The following MSH3 variants were observed in gnomAD, a reference collection of about 807,000 sequenced individuals.
The protein encoded by MSH3 is mutS homolog 3.
Under a neutral mutation model 123.3 loss-of-function variants are expected in MSH3, and 106 were observed. That is an observed-to-expected ratio of 0.86 (90% CI 0.73 to 1.01). The LOEUF is 1.01. Ranked by LOEUF, MSH3 falls within the 50% of genes least tolerant of loss-of-function variation. MSH3 has a pLI of 0.00. For missense variants in MSH3, 1,459 were observed against 1,347.6 expected, an observed-to-expected ratio of 1.08 and a Z score of -1.29; for synonymous variants, 515 against 481.4, an observed-to-expected ratio of 1.07 and a Z score of -0.91.
intron 20 of MSH3, among the ~76,000 whole-genome samples, chr5:80,833,303 A>T (rs1289375680): frequency 6.6e-6 from 1 of 152,154 alleles, no homozygotes; most frequent in Admixed American, 6.5e-5. Context: ...ACTACATTTG[A>T]CTGTAAATAC....
intron 20 of MSH3, among the ~76,000 whole-genome samples, chr5:80,844,604 T>G (rs1745686202): frequency 6.6e-6 from 1 of 152,220 alleles, no homozygotes; most frequent in Non-Finnish European, 1.5e-5. Context: ...GCATATATAT[T>G]TAGGATAGTT....
At chr5:80,841,700 T>C (rs1249781670) in intron 20 of MSH3, among the ~76,000 whole-genome samples, 6 of 152,192 alleles carry the variant, frequency 3.9e-5, no homozygotes, top group African/African-American at 1.4e-4. Flanking sequence ...GCATGAATGT[T>C]TTCTTTTGAG....
intron 20 of MSH3, among the ~76,000 whole-genome samples, chr5:80,833,871 G>A (rs1221957542): frequency 1.0e-4 from 4 of 38,610 alleles, no homozygotes; most frequent in Non-Finnish European, 2.0e-4. Flanking sequence ...GAAGAGAATG[G>A]TATCAAAGAC....
intron 20 of MSH3, among the ~76,000 whole-genome samples, chr5:80,850,720 T>C (rs938284987): frequency 1.4e-4 from 21 of 152,222 alleles, no homozygotes; most frequent in Non-Finnish European, 2.9e-5. Flanking sequence ...CAAGAAAAGA[T>C]GTGGCTGGGG....
chr5:80,724,831 A>G (rs72765580), intron 8 of MSH3, among the ~76,000 whole-genome samples: 6 of 152,322 alleles, frequency 3.9e-5, no homozygotes, highest in Non-Finnish European at 7.4e-5. Context: ...TAGTAACATA[A>G]TGGACCCTAA....
chr5:80,780,550 A>G (rs1416570637), intron 17 of MSH3, among the ~76,000 whole-genome samples: 1 of 152,164 alleles, frequency 6.6e-6, no homozygotes, highest in Non-Finnish European at 1.5e-5. Context: ...CAGTCTAAAT[A>G]CATCTGTTAG....
At chr5:80,816,325 G>C (rs776509735) in intron 20 of MSH3, among the ~76,000 whole-genome samples, 3 of 152,202 alleles carry the variant, frequency 2.0e-5, no homozygotes, top group African/African-American at 4.8e-5. Context: ...TCAGGGGAAG[G>C]CTTCCCTTAG....
Position 80,670,178 on chromosome 5 carries a change from G to C in MSH3, c.661G>C (p.Ala221Pro), listed in dbSNP as rs774453643. Residue 221 changes from alanine (A) to proline (P), a missense_variant, in exon 4 of 24, where the codon GCT becomes CCT. Coordinates refer to ENST00000265081, the MANE Select transcript of MSH3 (RefSeq NM_002439.5). The stretch of plus-strand genomic sequence containing the variant: ...TTTACAGAAAACTGCTTCCAAATCA[G>C]CTAACAAACGGTCCAAAAGCATCTA... ...ENLQKTASKS[A>P]NKRSKSIYTP... is the part of the protein sequence containing the mutation. 1 of 1,613,962 alleles carries C rather than the reference G, an allele frequency of 6.2e-7. No individual in the cohort carries two copies. The highest frequency in any genetic ancestry group is 1.1e-5 in the South Asian group (1 of 91,086).
intron 8 of MSH3, among the ~76,000 whole-genome samples, chr5:80,710,185 A>T (rs1198001341): frequency 2.0e-5 from 3 of 152,186 alleles, no homozygotes; most frequent in Non-Finnish European, 4.4e-5. Flanking sequence ...CTGTTATTTT[A>T]TTACGGGTTT....
chr5:80,855,004 CTT>C (rs1745891979), intron 21 of MSH3, among the ~76,000 whole-genome samples: 1 of 152,120 alleles, frequency 6.6e-6, no homozygotes, highest in South Asian at 2.1e-4. Context: ...GATCTCATCT[CTT>C]TGTGTTTCTA....
rs751264470 is a variant in MSH3 at position 80,654,850 on chromosome 5, A to G, written c.123A>G (p.Thr41=). ...TGSLKSTSSS[T]GAADQVDPGA... ...GCCTGAAATCCACCTCCTCCTCCAC[A>G]GGTGCAGCCGACCAGGTGGACCCTG... The change falls in exon 1 of 24, where the codon ACA becomes ACG. Residue 41 remains threonine, a synonymous_variant. Coordinates refer to ENST00000265081, the MANE Select transcript of MSH3 (RefSeq NM_002439.5). 1.9e-6 allele frequency: 3 copies of G among 1,597,336 alleles called. No individual in the cohort carries two copies. Among genetic ancestry groups the G allele is most frequent in the Non-Finnish European group, 8.5e-7 (1 of 1,173,098 alleles).
At chr5:80,663,417 C>T (rs964576388) in intron 2 of MSH3, among the ~76,000 whole-genome samples, 2 of 152,046 alleles carry the variant, frequency 1.3e-5, no homozygotes, top group Admixed American at 6.6e-5. Flanking sequence ...TGCTTTTTCC[C>T]CTGGCCTCTC....
At chr5:80,688,752 T>TG (rs1222690034) in intron 8 of MSH3, among the ~76,000 whole-genome samples, 1 of 152,054 alleles carries the variant, frequency 6.6e-6, no homozygotes, top group Non-Finnish European at 1.5e-5. Flanking sequence ...CAATTTTTTT[T>TG]TTTTTAAAGA....
chr5:80,788,482 T>C (rs1744553633), intron 18 of MSH3, among the ~76,000 whole-genome samples: 1 of 151,848 alleles, frequency 6.6e-6, no homozygotes, highest in African/African-American at 2.4e-5. Context: ...TCATACAAGT[T>C]GTATGTCTTC....
chr5:80,742,007 T>TA (rs1743624079), intron 11 of MSH3, among the ~76,000 whole-genome samples: 1 of 151,972 alleles, frequency 6.6e-6, no homozygotes, highest in South Asian at 2.1e-4. Flanking sequence ...AACTTTCTTT[T>TA]TTTTTTTTTC....
chr5:80,658,068 T>C (rs939015376), intron 2 of MSH3, among the ~76,000 whole-genome samples: 1 of 128,750 alleles, frequency 7.8e-6, no homozygotes, highest in African/African-American at 2.8e-5. Context: ...GGTCTCTCGC[T>C]CTGTCACCCA....
At position 80,664,196 on chromosome 5, in the gene MSH3, T is replaced by C. The variant is rs180974671; in HGVS notation, c.359-947T>C. Among the ~76,000 whole-genome samples the C allele has an allele frequency of 9.5e-4, 145 of 152,338 alleles. 1 individual carries two copies. Among genetic ancestry groups the C allele is most frequent in the Non-Finnish European group, 2.8e-4 (19 of 68,028 alleles). The stretch of plus-strand genomic sequence containing the variant: ...AAAGATGATTTTAAGCTGTGAAAAT[T>C]AGCAGAAGGTTTTATGGGAAAGGTA... On this transcript the variant is annotated intron_variant, in intron 2 of 23. Transcript: ENST00000265081.
Position 80,667,320 on chromosome 5 carries a change from CATA to C in MSH3, c.579+1959_579+1961del, listed in dbSNP as rs148928452. ...ATAGAATACATACTATATTCCATGA[CATA>C]AAAGTCATGGAAACAAAATAGGAAA... On this transcript the variant is annotated intron_variant, in intron 3 of 23. Coordinates refer to ENST00000265081, the MANE Select transcript of MSH3 (RefSeq NM_002439.5). 2.6e-3 allele frequency among the ~76,000 whole-genome samples: 392 copies of C among 152,166 alleles called. 1 individual carries two copies. Among genetic ancestry groups the C allele is most frequent in the African/African-American group, 8.8e-3 (367 of 41,502 alleles).
intron 9 of MSH3, among the ~76,000 whole-genome samples, chr5:80,726,403 C>G (rs1307175325): frequency 6.6e-6 from 1 of 152,162 alleles, no homozygotes; most frequent in Admixed American, 6.5e-5. Context: ...GCATCAGTGT[C>G]TTGTTAGCAT....
Sources: gnomAD v4.1 joint callset for allele counts (sites outside exome capture counted in the v4.1 genomes callset) on GRCh38, gnomAD v4.1.1 for gene constraint, MANE v1.5 for transcripts, NCBI Gene and HGNC (gene_info 2026-07-23, HGNC 2026-07-21) for gene names.